UVSSA: variants seen among roughly 807,000 people sequenced by gnomAD.
UVSSA encodes UV stimulated scaffold protein A, also known as UV-stimulated scaffold protein A.
UVSSA carries 72 observed loss-of-function variants against 73.9 expected under a neutral mutation model. The ratio of observed to expected loss-of-function variants is 0.97; its 90% CI spans 0.81 to 1.19. The LOEUF is 1.19. UVSSA is among the 50% of genes most tolerant of loss of function. UVSSA has a pLI of 0.00. For synonymous variants in UVSSA, 454 were observed against 391.3 expected (o/e 1.16, Z -1.89); for missense variants, 1,150 against 965.0 (o/e 1.19, Z -2.54).
chr4:1,349,199 T>C (rs904754415), intron 2 of UVSSA, among the ~76,000 whole-genome samples: 1 of 152,212 alleles, frequency 6.6e-6, no homozygotes, highest in South Asian at 2.1e-4. Context: ...ATGATGTAGG[T>C]GGATAGATGG....
upstream of UVSSA, among the ~76,000 whole-genome samples, chr4:1,343,229 C>T (rs573138513): frequency 1.2e-4 from 19 of 152,258 alleles, no homozygotes; most frequent in African/African-American, 4.6e-4. Flanking sequence ...GCAGACGGCC[C>T]CCTTCTCACT....
chr4:1,354,340 G>A lies in UVSSA; in HGVS notation c.935-395G>A, dbSNP rs1250378899. Among the ~76,000 whole-genome samples, 8 of 152,158 alleles carry A rather than the reference G, an allele frequency of 5.3e-5. No individual in the cohort carries two copies. The East Asian group carries it at 1.5e-3, about 29-fold the overall frequency. ...GTGTCCAGCGGAGGAGAGGCCGGGG[G>A]GGTGGGGGCTGGTGAGGCTGGGCTG... On this transcript the variant is annotated intron_variant, in intron 5 of 13. Coordinates refer to ENST00000389851, the MANE Select transcript of UVSSA (RefSeq NM_020894.4).
chr4:1,351,523 C>A (rs901347228), intron 3 of UVSSA, among the ~76,000 whole-genome samples, 192 bp from the exon 4 acceptor site: 2 of 151,626 alleles, frequency 1.3e-5, no homozygotes, highest in African/African-American at 2.4e-5. Context: ...GTAGCTGGGA[C>A]TACAGGCGCC....
Position 1,354,927 on chromosome 4 carries a change from G to T in UVSSA, c.1047+80G>T, listed in dbSNP as rs901451283. 447 of 1,533,816 alleles carry T rather than the reference G, an allele frequency of 2.9e-4. 3 individuals carry two copies. The highest frequency in any genetic ancestry group is 3.8e-4 in the Non-Finnish European group (428 of 1,132,948). On this transcript the variant is annotated intron_variant, in intron 6 of 13. Transcript: ENST00000389851. ...ATGGGGGGGGTCCCTTTCTTGGGGG[G>T]ACTGTGGCCCGGTGACTGAATGGCC...
chr4:1,354,695 A>G (rs1560433456), intron 5 of UVSSA, 40 bp from the exon 6 acceptor site: 1 of 1,583,226 alleles, frequency 6.3e-7, no homozygotes, highest in Admixed American at 1.7e-5. Context: ...GGGAGACGCC[A>G]GTCGGCGCCC....
chr4:1,375,803 C>A (rs1359707204), intron 9 of UVSSA, among the ~76,000 whole-genome samples: 1 of 152,264 alleles, frequency 6.6e-6, no homozygotes, highest in Non-Finnish European at 1.5e-5. Context: ...GTCAGGTCAC[C>A]TCTGGGCCAG....
chr4:1,384,973 C>G (rs927836509), intron 13 of UVSSA: 1 of 152,306 alleles, frequency 6.6e-6, no homozygotes, highest in East Asian at 1.9e-4. Flanking sequence ...CTGGACCCAT[C>G]CCGTATGCCA....
intron 7 of UVSSA, among the ~76,000 whole-genome samples, chr4:1,362,687 C>G (rs984142572): frequency 6.6e-6 from 1 of 152,220 alleles, no homozygotes; most frequent in Non-Finnish European, 1.5e-5. Context: ...TGTCCCTCAC[C>G]TTGAGGGCGG....
rs150766837 is a variant in UVSSA, at chr4:1,348,533, C to T, written c.98+344C>T. Among the ~76,000 whole-genome samples the T allele has an allele frequency of 1.2e-3, 189 of 152,336 alleles. 4 individuals are homozygous for T. In the East Asian group the frequency reaches 0.016, roughly 13 times the overall value. Reference sequence around the variant, plus strand: ...GACTTTTCGAAGGGAAAGAATAGAGCTTGCTGATGGGCGAGTTGGTCCATC... The same window carrying T: ...GACTTTTCGAAGGGAAAGAATAGAGTTTGCTGATGGGCGAGTTGGTCCATC... On this transcript the variant is annotated intron_variant, in intron 2 of 13. Coordinates refer to ENST00000389851, the MANE Select transcript of UVSSA (RefSeq NM_020894.4).
rs565968665 is a variant in UVSSA at position 1,380,188 on chromosome 4, G to A, written c.1710G>A (p.Pro570=). 226 of 1,612,710 alleles carry A rather than the reference G, an allele frequency of 1.4e-4. No individual in the cohort carries two copies. Among genetic ancestry groups the A allele is most frequent in the Non-Finnish European group, 1.7e-4 (198 of 1,179,904 alleles). The change falls in exon 11 of 14, where the codon CCG becomes CCA. Residue 570 remains proline, a synonymous_variant. Coordinates refer to ENST00000389851, the MANE Select transcript of UVSSA (RefSeq NM_020894.4). ...CTGTGCAGCACTGGTGCCGTGCCCC[G>A]AGGCCAGACGGCCGGCTCTGTGAGC... ...FEPVQHWCRA[P]RPDGRLCERQ...
chr4:1,385,997 C>T lies in UVSSA; in HGVS notation c.*36C>T. On this transcript the variant is annotated 3_prime_UTR_variant, in exon 14 of 14. Coordinates refer to ENST00000389851, the MANE Select transcript of UVSSA (RefSeq NM_020894.4). ...CCAGTGCACTGGCCATCAGCACTTT[C>T]TCCCTCTGCCAGTGTCTCAGGACAG... 1.2e-6 allele frequency: 2 copies of T among 1,606,062 alleles called. No individual in the cohort carries two copies. Among genetic ancestry groups the T allele is most frequent in the South Asian group, 1.1e-5 (1 of 90,908 alleles).
Position 1,366,438 on chromosome 4 carries a change from A to G in UVSSA, c.1288+7A>G. The stretch of plus-strand genomic sequence containing the variant: ...CACTTGCGGCCTGAGTATGGTGAGC[A>G]GTGGGTCCCGTGGGGGGGGCACCTG... On this transcript the variant is annotated splice_region_variant and intron_variant, in intron 8 of 13. Transcript: ENST00000389851. 3 of 1,600,804 alleles carry G rather than the reference A, an allele frequency of 1.9e-6. No homozygotes were observed. Among genetic ancestry groups the G allele is most frequent in the Non-Finnish European group, 2.6e-6 (3 of 1,173,604 alleles).
chr4:1,395,431 G>T (rs373051185), exon 14 of UVSSA: 1 of 1,582,336 alleles, frequency 6.3e-7, no homozygotes, highest in East Asian at 2.3e-5. Flanking sequence ...ACGTGCCGAC[G>T]TGGAGTGCCC....
chr4:1,352,249 A>G (rs1714887149), intron 4 of UVSSA, among the ~76,000 whole-genome samples: 1 of 152,094 alleles, frequency 6.6e-6, no homozygotes, highest in Non-Finnish European at 1.5e-5. Flanking sequence ...GCACCACGAG[A>G]GTGTGAGGAG....
At position 1,360,270 on chromosome 4, in the gene UVSSA, C is replaced by T. The variant is rs547490641; in HGVS notation, c.1176+5025C>T. Among the ~76,000 whole-genome samples, 25 of 152,342 alleles carry T rather than the reference C, an allele frequency of 1.6e-4. 2 individuals carry two copies. The South Asian group carries it at 5.0e-3, about 30-fold the overall frequency. On this transcript the variant is annotated intron_variant, in intron 7 of 13. Coordinates refer to ENST00000389851, the MANE Select transcript of UVSSA (RefSeq NM_020894.4). The stretch of plus-strand genomic sequence containing the variant: ...GGCCCAGCCAGGGCCTTGTGCCAGC[C>T]CTCCCTCCCACACCGGTGGCACAGA...
At chr4:1,354,653 T>G (rs890067647) in intron 5 of UVSSA, 82 bp from the exon 6 acceptor site, 7 of 1,315,960 alleles carry the variant, frequency 5.3e-6, no homozygotes, top group Non-Finnish European at 7.5e-6. Flanking sequence ...TAGAGCAGCC[T>G]TCCTTGCATG....
rs1172532617 is a variant in UVSSA at position 1,366,420 on chromosome 4, G to A, written c.1277G>A (p.Arg426Gln). The stretch of plus-strand genomic sequence containing the variant: ...GAGCCACACATCCCCGACCACTTGC[G>A]GCCTGAGTATGGTGAGCAGTGGGTC... ...GYEPHIPDHL[R>Q]PEYGLEAAPE... Residue 426 changes from arginine (R) to glutamine (Q), a missense_variant, in exon 8 of 14, where the codon CGG becomes CAG. Arg to Gln is a conservative substitution (Grantham distance 43, BLOSUM62 1). Coordinates refer to ENST00000389851, the MANE Select transcript of UVSSA (RefSeq NM_020894.4). The A allele has an allele frequency of 9.3e-6, 15 of 1,610,878 alleles. No homozygotes were observed. Among genetic ancestry groups the A allele is most frequent in the East Asian group, 4.5e-5 (2 of 44,840 alleles).
intron 4 of UVSSA, 74 bp downstream of exon 4, chr4:1,351,909 T>TC (rs1714820903): frequency 3.8e-6 from 6 of 1,573,594 alleles, no homozygotes; most frequent in Non-Finnish European, 5.2e-6. Flanking sequence ...ATCCTCCTGG[T>TC]CCCAGGGCCC....
intron 7 of UVSSA, among the ~76,000 whole-genome samples, chr4:1,360,078 C>G (rs942113652): frequency 6.6e-6 from 1 of 152,228 alleles, no homozygotes; most frequent in African/African-American, 2.4e-5. Flanking sequence ...AACCTTGTAC[C>G]GCCCTAGGGC....
Sources: gnomAD v4.1 joint callset for allele counts (sites outside exome capture counted in the v4.1 genomes callset) on GRCh38, gnomAD v4.1.1 for gene constraint, MANE v1.5 for transcripts, NCBI Gene and HGNC (gene_info 2026-07-23, HGNC 2026-07-21) for gene names.